The following KCNMA1 variants were observed in gnomAD, a reference collection of about 807,000 sequenced individuals.
KCNMA1 encodes the protein potassium calcium-activated channel subfamily M alpha 1, also known as Calcium-activated potassium channel subunit alpha-1.
In KCNMA1, 29 loss-of-function variants were observed where a neutral mutation model predicts 140.0. The ratio of observed to expected loss-of-function variants is 0.21; its 90% CI spans 0.15 to 0.28. The LOEUF (loss-of-function observed/expected upper bound fraction) is 0.28, where lower values mean the gene tolerates loss of function less well. KCNMA1 is among the 10% of genes least tolerant of loss of function. KCNMA1 has a pLI of 1.00. For missense variants in KCNMA1, 880 were observed against 1,602.2 expected (o/e 0.55, Z 7.70); for synonymous variants, 612 against 611.9 (o/e 1.00, Z 0.00).
At chr10:77,054,777 G>C (rs1457816253) in intron 14 of KCNMA1, among the ~76,000 whole-genome samples, 1 of 152,164 alleles carries the variant, frequency 6.6e-6, no homozygotes, top group Admixed American at 6.5e-5. Flanking sequence ...CTTCAAGATG[G>C]CAGATGGCTG....
chr10:77,290,983 G>T (rs923991081), intron 2 of KCNMA1, among the ~76,000 whole-genome samples: 2 of 152,148 alleles, frequency 1.3e-5, no homozygotes, highest in Non-Finnish European at 2.9e-5. Flanking sequence ...CAGACATGCA[G>T]CATTCTTGAC....
intron 25 of KCNMA1, among the ~76,000 whole-genome samples, chr10:76,906,845 G>A (rs559687589): frequency 1.6e-4 from 24 of 152,250 alleles, no homozygotes; most frequent in East Asian, 7.7e-4. Flanking sequence ...TTACCAAAAC[G>A]TCTGGATCCA....
chr10:77,230,590 C>T (rs532492030), intron 3 of KCNMA1, among the ~76,000 whole-genome samples: 1 of 152,254 alleles, frequency 6.6e-6, no homozygotes, highest in African/African-American at 2.4e-5. Flanking sequence ...TAAAGTTTGC[C>T]GGTGAAGTTG....
At chr10:77,345,172 G>A (rs1377985688) in intron 2 of KCNMA1, among the ~76,000 whole-genome samples, 1 of 152,140 alleles carries the variant, frequency 6.6e-6, no homozygotes, top group Non-Finnish European at 1.5e-5. Context: ...TAAATGAATG[G>A]CTTCCTTGTG....
At chr10:77,636,537 C>G in intron 1 of KCNMA1, 2 of 1,536,194 alleles carry the variant, frequency 1.3e-6, no homozygotes, top group Non-Finnish European at 1.7e-6. Context: ...GGAACAGAGG[C>G]CGAAGAACTT....
intron 18 of KCNMA1, among the ~76,000 whole-genome samples, chr10:77,009,073 C>A (rs1469976661): frequency 6.6e-6 from 1 of 152,092 alleles, no homozygotes; most frequent in Non-Finnish European, 1.5e-5. Context: ...TCAGACAATT[C>A]TGATTGTTAC....
chr10:77,374,767 C>T (rs774667085), intron 2 of KCNMA1, among the ~76,000 whole-genome samples: 1 of 152,196 alleles, frequency 6.6e-6, no homozygotes, highest in African/African-American at 2.4e-5. Context: ...AGACATGAGT[C>T]CATTTTACCA....
At chr10:77,464,932 G>A (rs2097956126) in intron 1 of KCNMA1, among the ~76,000 whole-genome samples, 1 of 152,160 alleles carries the variant, frequency 6.6e-6, no homozygotes, top group Non-Finnish European at 1.5e-5. Context: ...ATTAGCCCAG[G>A]GCTGAAGTGG....
chr10:76,931,737 T>A (rs533409182), intron 23 of KCNMA1, among the ~76,000 whole-genome samples: 1 of 152,148 alleles, frequency 6.6e-6, no homozygotes, highest in South Asian at 2.1e-4. Flanking sequence ...TGCTAGCCTG[T>A]CTATGGAGGG....
intron 16 of KCNMA1, among the ~76,000 whole-genome samples, chr10:77,024,586 T>C (rs913427187): frequency 1.3e-5 from 2 of 152,152 alleles, no homozygotes; most frequent in Non-Finnish European, 2.9e-5. Flanking sequence ...ATGCCATTGA[T>C]GATGATTTAG....
intron 1 of KCNMA1, among the ~76,000 whole-genome samples, chr10:77,633,193 T>C (rs928439991): frequency 6.6e-6 from 1 of 152,098 alleles, no homozygotes; most frequent in African/African-American, 2.4e-5. Context: ...CGTGCGCCTG[T>C]AGTCCCAGCT....
chr10:77,600,336 C>T (rs558331596), intron 1 of KCNMA1, among the ~76,000 whole-genome samples: 1 of 152,106 alleles, frequency 6.6e-6, no homozygotes, highest in Non-Finnish European at 1.5e-5. Flanking sequence ...AGGTGGCAGC[C>T]TAGTGGGGAG....
At chr10:77,009,741 C>T (rs1458638170) in intron 18 of KCNMA1, among the ~76,000 whole-genome samples, 1 of 152,182 alleles carries the variant, frequency 6.6e-6, no homozygotes, top group Non-Finnish European at 1.5e-5. Flanking sequence ...TTCCTGCCTC[C>T]TGACCTTGAC....
chr10:77,042,835 A>G (rs2094814636), intron 14 of KCNMA1, among the ~76,000 whole-genome samples: 1 of 152,166 alleles, frequency 6.6e-6, no homozygotes, highest in Non-Finnish European at 1.5e-5. Context: ...AATTTAGCAA[A>G]AATTGTTTTA....
chr10:77,108,304 T>C lies in KCNMA1; in HGVS notation c.1223+177A>G. On this transcript the variant is annotated intron_variant, in intron 9 of 27. Transcript: ENST00000286628. The surrounding 1 kb of genome is among the most constrained non-coding windows in gnomAD (Gnocchi z 4.6). Reference sequence around the variant, plus strand: ...GACTTACTTTCTGCCTCCATGTTTGTTAAAAGTCCCGCCGAATTTATTCCG... The same window carrying C: ...GACTTACTTTCTGCCTCCATGTTTGCTAAAAGTCCCGCCGAATTTATTCCG... 6.7e-7 allele frequency: 1 copy of C among 1,503,554 alleles called. No individual in the cohort carries two copies. The highest frequency in any genetic ancestry group is 8.8e-7 in the Non-Finnish European group (1 of 1,134,112). 93.1% of individuals were successfully genotyped at this position (1,503,554 alleles called of 1,614,324 possible).
At chr10:77,631,663 C>T (rs943773733) in intron 1 of KCNMA1, among the ~76,000 whole-genome samples, 4 of 152,276 alleles carry the variant, frequency 2.6e-5, no homozygotes, top group Admixed American at 6.5e-5. Flanking sequence ...AGAGACAGCC[C>T]CAAAGCAAGC....
At chr10:77,199,675 T>G (rs1239540711) in intron 3 of KCNMA1, among the ~76,000 whole-genome samples, 1 of 152,144 alleles carries the variant, frequency 6.6e-6, no homozygotes, top group African/African-American at 2.4e-5. Flanking sequence ...ACTTTTGCAG[T>G]AGGCCTTGAG....
At position 77,106,009 on chromosome 10, in the gene KCNMA1, A is replaced by T. The variant is rs181918326; in HGVS notation, c.1223+2472T>A. On this transcript the variant is annotated intron_variant, in intron 9 of 27. Coordinates refer to ENST00000286628, the MANE Select transcript of KCNMA1 (RefSeq NM_001161352.2). ...TTGTTTTACTGACTGGAAAAACAAC[A>T]TCAAACAAAGGGTGCTAATGGCCCT... Among the ~76,000 whole-genome samples the T allele has an allele frequency of 1.4e-4, 21 of 152,340 alleles. No individual in the cohort carries two copies. In the East Asian group the frequency reaches 3.9e-3, roughly 28 times the overall value.
At chr10:77,159,591 A>T (rs1378316592) in intron 5 of KCNMA1, among the ~76,000 whole-genome samples, 2 of 152,160 alleles carry the variant, frequency 1.3e-5, no homozygotes, top group Admixed American at 1.3e-4. Flanking sequence ...AGTTACACCT[A>T]CATCCTTGCT....
Sources: gnomAD v4.1 joint callset for allele counts (sites outside exome capture counted in the v4.1 genomes callset) on GRCh38, gnomAD v4.1.1 for gene constraint, Gnocchi (gnomAD v3.1) non-coding constraint, MANE v1.5 for transcripts, NCBI Gene and HGNC (gene_info 2026-07-23, HGNC 2026-07-21) for gene names.